PRDM6: variants seen among roughly 807,000 people sequenced by gnomAD.
PRDM6 encodes the protein putative histone-lysine N-methyltransferase PRDM6.
A neutral mutation model predicts 60.8 loss-of-function variants in PRDM6; 25 were observed. The ratio of observed to expected loss-of-function variants is 0.41; its 90% CI spans 0.30 to 0.57. The LOEUF (loss-of-function observed/expected upper bound fraction) is 0.57, where lower values mean the gene tolerates loss of function less well. PRDM6 is among the 20% of genes least tolerant of loss of function. The pLI, the probability that PRDM6 is intolerant of heterozygous loss-of-function variation, is 0.27. For missense variants in PRDM6, 839 were observed against 821.3 expected, an observed-to-expected ratio of 1.02 and a Z score of -0.26; for synonymous variants, 407 against 357.4, an observed-to-expected ratio of 1.14 and a Z score of -1.57.
chr5:123,090,371 C>G lies in PRDM6; in HGVS notation c.357C>G (p.Phe119Leu). 1 of 1,470,786 alleles carries G rather than the reference C, an allele frequency of 6.8e-7. No individual in the cohort carries two copies. The highest frequency in any genetic ancestry group is 9.0e-7 in the Non-Finnish European group (1 of 1,116,524). 91.1% of individuals were successfully genotyped at this position (1,470,786 alleles called of 1,614,324 possible). ...SALPVSQLPV[F>L]APLAAAAVAA... ...TGCCGGTGTCGCAGCTGCCGGTGTT[C>G]GCGCCTCTAGCCGCCGCTGCCGTCG... The change falls in exon 2 of 8, where the codon TTC (phenylalanine) becomes TTG (leucine). Residue 119 changes from phenylalanine to leucine, a missense_variant. Physicochemically the swap from Phe to Leu is conservative, Grantham distance 22 (BLOSUM62 0). This residue lies in a region of PRDM6 where 730 missense variants were observed against 648.8 expected (regional missense o/e 1.13). Transcript: ENST00000407847.
intron 2 of PRDM6, among the ~76,000 whole-genome samples, chr5:123,091,670 T>A (rs1453232363): frequency 6.6e-6 from 1 of 152,246 alleles, no homozygotes; most frequent in Non-Finnish European, 1.5e-5. Flanking sequence ...CAGAGACTTC[T>A]GGAGATAACA....
intron 5 of PRDM6, among the ~76,000 whole-genome samples, chr5:123,162,038 A>G (rs1397571608): frequency 1.3e-5 from 2 of 152,200 alleles, no homozygotes; most frequent in Non-Finnish European, 2.9e-5. Context: ...CTGACACATT[A>G]GATGCTGAGT....
At chr5:123,121,925 A>G (rs1764589271) in intron 3 of PRDM6, among the ~76,000 whole-genome samples, 1 of 149,310 alleles carries the variant, frequency 6.7e-6, no homozygotes. Flanking sequence ...GCACTATGGG[A>G]GGCCAAGGCC....
At chr5:123,145,266 T>G (rs1765214919) in intron 3 of PRDM6, among the ~76,000 whole-genome samples, 1 of 152,140 alleles carries the variant, frequency 6.6e-6, no homozygotes, top group African/African-American at 2.4e-5. Context: ...AATCTACAGA[T>G]TTGGTACCAG....
chr5:123,090,674 T>G, intron 2 of PRDM6, 68 bp downstream of exon 2: 1 of 786,364 alleles, frequency 1.3e-6, no homozygotes, highest in Non-Finnish European at 1.7e-6. Context: ...CGCGGGTGCC[T>G]GTCAGGGAGG....
intron 3 of PRDM6, among the ~76,000 whole-genome samples, chr5:123,125,772 A>G (rs146347548): frequency 1.5e-3 from 225 of 152,336 alleles, no homozygotes; most frequent in Middle Eastern, 6.8e-3. Context: ...TTGGTTCTAA[A>G]TATCTGAAGA....
intron 5 of PRDM6, among the ~76,000 whole-genome samples, chr5:123,160,752 C>T (rs989337679): frequency 1.1e-4 from 17 of 152,302 alleles, no homozygotes; most frequent in African/African-American, 3.8e-4. Flanking sequence ...ACCCCAAAAC[C>T]AATCTCAAAT....
At position 123,162,712 on chromosome 5, in the gene PRDM6, A is replaced by T. The variant is rs373452758; in HGVS notation, c.1153+3074A>T. Among the ~76,000 whole-genome samples, 43 of 152,308 alleles carry T rather than the reference A, an allele frequency of 2.8e-4. 1 individual carries two copies. In the East Asian group the frequency reaches 7.7e-3, roughly 27 times the overall value. ...CCCCCAAGGGTATTATAGGAATTTTATTTCAGTTCCTGTCTCAGAGTCATA... is the reference window on the plus strand; with the variant it reads ...CCCCCAAGGGTATTATAGGAATTTTTTTTCAGTTCCTGTCTCAGAGTCATA... On this transcript the variant is annotated intron_variant, in intron 5 of 7. Transcript: ENST00000407847.
At chr5:123,179,901 T>G (rs960931011) in intron 6 of PRDM6, among the ~76,000 whole-genome samples, 2 of 152,216 alleles carry the variant, frequency 1.3e-5, no homozygotes, top group Non-Finnish European at 2.9e-5. Context: ...AGTAGGGGTT[T>G]CCAAAATGGT....
intron 2 of PRDM6, among the ~76,000 whole-genome samples, chr5:123,096,356 C>T (rs961634439): frequency 6.6e-6 from 1 of 151,930 alleles, no homozygotes. Flanking sequence ...TCTTTCAAAC[C>T]TTTTCATGTA....
chr5:123,119,939 T>A (rs757523600), intron 3 of PRDM6, among the ~76,000 whole-genome samples: 6 of 152,178 alleles, frequency 3.9e-5, no homozygotes, highest in Non-Finnish European at 8.8e-5. Flanking sequence ...GGTTAAAAAA[T>A]TATATTTTAA....
Position 123,180,215 on chromosome 5 carries a change from C to G in PRDM6, c.1565C>G (p.Thr522Ser). 6.4e-7 allele frequency: 1 copy of G among 1,552,170 alleles called. No individual in the cohort carries two copies. Among genetic ancestry groups the G allele is most frequent in the Non-Finnish European group, 8.7e-7 (1 of 1,147,084 alleles). ...QPSELRNHVVTHSSDRPFKCG... is the reference protein window; with the variant it reads ...QPSELRNHVVSHSSDRPFKCG... The stretch of plus-strand genomic sequence containing the variant: ...TCAGAACTGAGGAACCACGTGGTCA[C>G]TCACTCTAGTGACCGGCCTTTCAAG... The change falls in exon 7 of 8, where the codon ACT becomes AGT. Residue 522 changes from threonine (T) to serine (S), a missense_variant. By Grantham distance (58) the Thr-to-Ser change is moderately conservative (BLOSUM62 1). This residue lies in a region of PRDM6 where 109 missense variants were observed against 172.6 expected (regional missense o/e 0.63). Transcript: ENST00000407847.
intron 3 of PRDM6, among the ~76,000 whole-genome samples, chr5:123,109,203 A>G (rs79556453): frequency 6.6e-6 from 1 of 151,952 alleles, no homozygotes; most frequent in African/African-American, 2.4e-5. Flanking sequence ...TAACAAAAAA[A>G]GATCAAGTAT....
chr5:123,116,059 T>A (rs681422), intron 3 of PRDM6, among the ~76,000 whole-genome samples: 6 of 152,066 alleles, frequency 3.9e-5, no homozygotes, highest in Non-Finnish European at 7.3e-5. Context: ...ACTGTTTTGT[T>A]GCTGTGCCCT....
chr5:123,120,053 T>G (rs1473910416), intron 3 of PRDM6, among the ~76,000 whole-genome samples: 1 of 152,222 alleles, frequency 6.6e-6, no homozygotes, highest in East Asian at 1.9e-4. Context: ...ATTAGGTATC[T>G]TACAAAGAGT....
Position 123,109,618 on chromosome 5 carries a change from G to A in PRDM6, c.900+9657G>A, listed in dbSNP as rs148257617. ...AATAAAAAACAATTATGTACTAAAG[G>A]GATACCATGCAACATGGATGTTAAA... On this transcript the variant is annotated intron_variant, in intron 3 of 7. Transcript: ENST00000407847. Among the ~76,000 whole-genome samples the A allele has an allele frequency of 3.3e-3, 496 of 152,042 alleles. 4 individuals carry two copies. The highest frequency in any genetic ancestry group is 0.011 in the African/African-American group (465 of 41,464).
chr5:123,149,777 C>T (rs1173095151), intron 3 of PRDM6, among the ~76,000 whole-genome samples: 3 of 152,136 alleles, frequency 2.0e-5, no homozygotes, highest in East Asian at 3.8e-4. Context: ...ATTAACACGT[C>T]AACTGTTTTA....
chr5:123,191,740 C>T lies in PRDM6; in HGVS notation c.*4539C>T, dbSNP rs534526092. ...TCACTAGCATTTATCTGAACTACCACAAAACAACAACGCAGGTTACTAGGA... is the reference window on the plus strand; with the variant it reads ...TCACTAGCATTTATCTGAACTACCATAAAACAACAACGCAGGTTACTAGGA... On this transcript the variant is annotated 3_prime_UTR_variant, in exon 8 of 8. Transcript: ENST00000407847. 1 of 152,250 alleles carries T rather than the reference C, an allele frequency of 6.6e-6. No homozygotes were observed. The highest frequency in any genetic ancestry group is 1.9e-4 in the East Asian group (1 of 5,176). The allele number at this position is 152,250 out of a possible 1,614,324, so 9.4% of individuals were successfully genotyped here. A position where few individuals can be genotyped will look rare whatever the true frequency, so the allele number is the denominator to read the frequency against.
chr5:123,115,692 A>G (rs1286998850), intron 3 of PRDM6, among the ~76,000 whole-genome samples: 1 of 152,222 alleles, frequency 6.6e-6, no homozygotes, highest in South Asian at 2.1e-4. Flanking sequence ...TCATAAAACC[A>G]TGATAAGATT....
Sources: allele counts gnomAD v4.1 joint callset (sites outside exome capture counted in the v4.1 genomes callset), GRCh38; gene constraint gnomAD v4.1.1; regional missense constraint gnomAD v4.1.1; transcripts MANE v1.5; gene names NCBI Gene and HGNC (gene_info 2026-07-23, HGNC 2026-07-21).